The following NELL1 variants were observed in gnomAD, a reference collection of about 807,000 sequenced individuals.
NELL1 encodes the protein neural EGFL like 1, also known as protein kinase C-binding protein NELL1.
In NELL1, 76 loss-of-function variants were observed where a neutral mutation model predicts 107.4. That is an observed-to-expected ratio of 0.71 (90% confidence interval 0.59 to 0.86). The LOEUF (loss-of-function observed/expected upper bound fraction) is 0.86. Among genes scored for constraint, NELL1 ranks in the 40% least tolerant of loss-of-function variants. The pLI, the probability that NELL1 is intolerant of heterozygous loss-of-function variation, is 0.00. For missense variants in NELL1, 1,024 were observed against 1,005.5 expected (o/e 1.02, Z -0.25); for synonymous variants, 353 against 341.2 (o/e 1.03, Z -0.38).
chr11:20,676,081 A>G (rs1320672350), intron 1 of NELL1, among the ~76,000 whole-genome samples: 1 of 151,976 alleles, frequency 6.6e-6, no homozygotes, highest in African/African-American at 2.4e-5. Context: ...CCCCTGGCCC[A>G]TTCAGTTTCT....
intron 5 of NELL1, among the ~76,000 whole-genome samples, chr11:20,902,341 A>G (rs574673689): frequency 6.6e-6 from 1 of 152,264 alleles, no homozygotes; most frequent in Admixed American, 6.6e-5. Flanking sequence ...AAAGTAGAAA[A>G]CATAAATAAC....
chr11:20,912,426 C>T (rs1850152590), intron 5 of NELL1, among the ~76,000 whole-genome samples: 1 of 152,152 alleles, frequency 6.6e-6, no homozygotes, highest in Non-Finnish European at 1.5e-5. Context: ...TGATTACCCA[C>T]TCAATTTCCC....
chr11:21,078,497 G>C (rs960396003), intron 12 of NELL1, among the ~76,000 whole-genome samples: 11 of 152,016 alleles, frequency 7.2e-5, no homozygotes, highest in African/African-American at 2.7e-4. Context: ...AATCTAAAGA[G>C]AAAAATGTTC....
At chr11:21,051,418 A>G (rs1283862958) in intron 12 of NELL1, among the ~76,000 whole-genome samples, 2 of 151,916 alleles carry the variant, frequency 1.3e-5, no homozygotes, top group Non-Finnish European at 2.9e-5. Context: ...ATAAAAGACT[A>G]TACATTGGGT....
In NELL1 at chr11:20,704,877, C is replaced by G. The variant is rs61883060; in HGVS notation, c.184+26817C>G. On this transcript the variant is annotated intron_variant, in intron 2 of 19. Coordinates refer to ENST00000357134, the MANE Select transcript of NELL1 (RefSeq NM_006157.5). ...TTCTTATACACCAATAACAGACAAA[C>G]AGAGAGCCAAATCATGAGTGAACTC... Among the ~76,000 whole-genome samples, 1,016 of 152,258 alleles carry G rather than the reference C, an allele frequency of 6.7e-3. 15 individuals carry two copies. Among genetic ancestry groups the G allele is most frequent in the Middle Eastern group, 0.031 (9 of 294 alleles).
At chr11:21,254,704 T>C (rs1286034313) in intron 14 of NELL1, among the ~76,000 whole-genome samples, 2 of 152,078 alleles carry the variant, frequency 1.3e-5, no homozygotes, top group East Asian at 1.9e-4. Context: ...TGAACATTGA[T>C]GAAAAGACCA....
At chr11:21,360,312 G>T (rs1477279180) in intron 14 of NELL1, among the ~76,000 whole-genome samples, 1 of 152,044 alleles carries the variant, frequency 6.6e-6, no homozygotes, top group Non-Finnish European at 1.5e-5. Flanking sequence ...GGGTTCCTTT[G>T]GAGTTGACTT....
At chr11:20,746,608 G>A (rs201565073) in intron 2 of NELL1, among the ~76,000 whole-genome samples, 1 of 138,542 alleles carries the variant, frequency 7.2e-6, no homozygotes, top group Non-Finnish European at 1.5e-5. Flanking sequence ...ACACACACAC[G>A]TGGAATTGAA....
intron 14 of NELL1, among the ~76,000 whole-genome samples, chr11:21,283,460 G>T (rs538333416): frequency 6.6e-6 from 1 of 152,252 alleles, no homozygotes; most frequent in African/African-American, 2.4e-5. Flanking sequence ...ACTCAATTTC[G>T]CTGTGACCCT....
In NELL1 at chr11:21,157,149, G is replaced by GTATATA. The variant is rs148360732; in HGVS notation, c.1426+43443_1426+43448dup. Among the ~76,000 whole-genome samples the GTATATA allele has an allele frequency of 2.0e-3, 289 of 147,524 alleles. 1 individual carries two copies. Among genetic ancestry groups the GTATATA allele is most frequent in the Middle Eastern group, 3.4e-3 (1 of 292 alleles). ...CACGTACATATATATGAATGTGTAT[G>GTATATA]TATATATATATATGTGTGTGTGTGT... On this transcript the variant is annotated intron_variant, in intron 13 of 19. Transcript: ENST00000357134.
At chr11:20,684,980 A>G (rs1218101637) in intron 2 of NELL1, among the ~76,000 whole-genome samples, 1 of 151,944 alleles carries the variant, frequency 6.6e-6, no homozygotes, top group Non-Finnish European at 1.5e-5. Flanking sequence ...GTAATTTTCT[A>G]ACATGTATGC....
chr11:20,817,290 A>AT (rs892107601), intron 3 of NELL1, among the ~76,000 whole-genome samples: 20 of 151,692 alleles, frequency 1.3e-4, no homozygotes. Flanking sequence ...TTGCTTGGTA[A>AT]TTTTTTTACT....
chr11:21,037,545 T>C (rs556139687), intron 12 of NELL1, among the ~76,000 whole-genome samples: 1 of 152,182 alleles, frequency 6.6e-6, no homozygotes, highest in African/African-American at 2.4e-5. Context: ...GTATGCCTAG[T>C]TTTTTATATG....
At chr11:20,743,116 G>A in intron 2 of NELL1, among the ~76,000 whole-genome samples, 1 of 151,964 alleles carries the variant, frequency 6.6e-6, no homozygotes, top group East Asian at 1.9e-4. Flanking sequence ...ACTTTGGGAG[G>A]CCTAGGCAGG....
intron 14 of NELL1, among the ~76,000 whole-genome samples, chr11:21,366,100 G>A (rs775113487): frequency 1.1e-4 from 17 of 152,072 alleles, no homozygotes; most frequent in African/African-American, 2.4e-5. Context: ...CTCTGAACAA[G>A]GTGAGGAATG....
intron 12 of NELL1, among the ~76,000 whole-genome samples, chr11:21,072,345 A>T (rs1854035242): frequency 6.6e-6 from 1 of 152,190 alleles, no homozygotes; most frequent in South Asian, 2.1e-4. Context: ...TGAAATATGG[A>T]AGCTACACAC....
chr11:21,154,526 T>C lies in NELL1; in HGVS notation c.1426+40812T>C, dbSNP rs548690006. The stretch of plus-strand genomic sequence containing the variant: ...AGAGATGAATAAACCACAGTCTTTT[T>C]CCCTTAAGGAGCAGAAGTCCAATGG... On this transcript the variant is annotated intron_variant, in intron 13 of 19. Coordinates refer to ENST00000357134, the MANE Select transcript of NELL1 (RefSeq NM_006157.5). 3.9e-5 allele frequency among the ~76,000 whole-genome samples: 6 copies of C among 152,296 alleles called. No individual in the cohort carries two copies. In the East Asian group the frequency reaches 9.7e-4, roughly 25 times the overall value.
In NELL1 at chr11:21,318,789, A is replaced by G. The variant is rs190213649; in HGVS notation, c.1550-52064A>G. 1.3e-4 allele frequency among the ~76,000 whole-genome samples: 19 copies of G among 151,422 alleles called. No homozygotes were observed. In the East Asian group the frequency reaches 3.3e-3, roughly 26 times the overall value. Reference sequence around the variant, plus strand: ...CATTTTTTCTTTCTGTTGTGTTCCTACTTTGCTTTATTTCTGCTAGGAGTA... The same window carrying G: ...CATTTTTTCTTTCTGTTGTGTTCCTGCTTTGCTTTATTTCTGCTAGGAGTA... On this transcript the variant is annotated intron_variant, in intron 14 of 19. Transcript: ENST00000357134.
intron 15 of NELL1, among the ~76,000 whole-genome samples, chr11:21,443,815 C>T (rs1427970180): frequency 6.6e-6 from 1 of 151,038 alleles, no homozygotes; most frequent in Non-Finnish European, 1.5e-5. Flanking sequence ...ACACCCTGCA[C>T]TCTACTGCAC....
Sources: gnomAD v4.1 joint callset for allele counts (sites outside exome capture counted in the v4.1 genomes callset) on GRCh38, gnomAD v4.1.1 for gene constraint, MANE v1.5 for transcripts, NCBI Gene and HGNC (gene_info 2026-07-23, HGNC 2026-07-21) for gene names.